TRAK1: variants seen among roughly 807,000 people sequenced by gnomAD.
TRAK1 encodes the protein trafficking kinesin protein 1, also known as trafficking kinesin-binding protein 1.
TRAK1 carries 33 observed loss-of-function variants against 92.1 expected under a neutral mutation model. That is an observed-to-expected ratio of 0.36 (90% CI 0.27 to 0.48). TRAK1 has a LOEUF of 0.48. Among genes scored for constraint, TRAK1 ranks in the 20% least tolerant of loss-of-function variants. The probability of loss-of-function intolerance (pLI) is 0.99; values close to 1 mark genes in which losing one functional copy is unlikely to be tolerated. For missense variants in TRAK1, 1,123 were observed against 1,257.9 expected (o/e 0.89, Z 1.62); for synonymous variants, 521 against 517.3 (o/e 1.01, Z -0.10).
intron 3 of TRAK1, among the ~76,000 whole-genome samples, chr3:42,180,257 G>C (rs926174083): frequency 6.6e-6 from 1 of 151,884 alleles, no homozygotes; most frequent in Non-Finnish European, 1.5e-5. Flanking sequence ...AATTTTTTAA[G>C]TACATAGTAG....
intron 1 of TRAK1, among the ~76,000 whole-genome samples, chr3:42,042,348 A>G (rs1702579210): frequency 6.6e-6 from 1 of 152,146 alleles, no homozygotes; most frequent in African/African-American, 2.4e-5. Context: ...TATATCATAA[A>G]TGATTTTTAG....
At chr3:42,143,631 G>T (rs1698971028) in intron 2 of TRAK1, among the ~76,000 whole-genome samples, 1 of 152,194 alleles carries the variant, frequency 6.6e-6, no homozygotes, top group Non-Finnish European at 1.5e-5. Context: ...ACCAGTGGCT[G>T]TGAGGCTTAC....
chr3:42,165,240 G>T (rs4683333), intron 2 of TRAK1, among the ~76,000 whole-genome samples: 8 of 151,926 alleles, frequency 5.3e-5, no homozygotes, highest in Admixed American at 5.2e-4. Context: ...CCTTAGGGGT[G>T]GTTGCTAAGA....
At chr3:42,210,344 C>G in intron 14 of TRAK1, 1 of 1,463,816 alleles carries the variant, frequency 6.8e-7, no homozygotes, top group Non-Finnish European at 9.0e-7. Flanking sequence ...AGCTCCCCTG[C>G]CCATCTTGGA....
chr3:42,132,904 A>G (rs1444663195), intron 2 of TRAK1, among the ~76,000 whole-genome samples: 1 of 152,102 alleles, frequency 6.6e-6, no homozygotes, highest in Non-Finnish European at 1.5e-5. Context: ...CCCCCTCCAC[A>G]CACATTTGTC....
chr3:42,111,610 T>C (rs1344783831), intron 1 of TRAK1, among the ~76,000 whole-genome samples: 1 of 152,076 alleles, frequency 6.6e-6, no homozygotes, highest in Admixed American at 6.6e-5. Context: ...TTAGCCAGGG[T>C]GGTCTCGATA....
intron 3 of TRAK1, among the ~76,000 whole-genome samples, chr3:42,183,553 T>TAAAAAAAAAAAAAAA (rs11293523): frequency 1.0e-4 from 12 of 117,318 alleles, no homozygotes; most frequent in African/African-American, 2.5e-4. Flanking sequence ...AGACTCTGTC[T>TAAAAAAAAAAAAAAA]AAAAAAAAAA....
intron 1 of TRAK1, among the ~76,000 whole-genome samples, chr3:42,027,289 C>T (rs1481763510): frequency 3.9e-5 from 6 of 152,030 alleles, no homozygotes; most frequent in Admixed American, 1.3e-4. Flanking sequence ...TTTGGGAGGC[C>T]GAGACGGGCG....
chr3:42,219,053 C>T (rs1241416642), intron 14 of TRAK1: 1 of 985,452 alleles, frequency 1.0e-6, no homozygotes, highest in Non-Finnish European at 1.2e-6. Context: ...GTGCCTCTCC[C>T]TGCCTGTACT....
Position 42,218,977 on chromosome 3 carries a change from TC to T in TRAK1, c.1964-513del, listed in dbSNP as rs912958978. The T allele has an allele frequency of 3.2e-5, 32 of 985,294 alleles. No individual in the cohort carries two copies. The African/African-American group carries it at 5.6e-4, about 17-fold the overall frequency. 61.0% of individuals were successfully genotyped at this position (985,294 alleles called of 1,614,324 possible). On this transcript the variant is annotated intron_variant, in intron 14 of 15. Transcript: ENST00000327628. The stretch of plus-strand genomic sequence containing the variant: ...CAAATAGACAGTAGTGGAGCCAGCA[TC>T]CCCAGGCCCCTTTTTGTGTAAGCAG...
intron 1 of TRAK1, among the ~76,000 whole-genome samples, chr3:42,042,618 G>A (rs142599284): frequency 2.8e-4 from 43 of 151,804 alleles, no homozygotes; most frequent in African/African-American, 1.0e-3. Flanking sequence ...TGATCTGCCC[G>A]CCTTGGCCTC....
At chr3:42,117,342 G>C (rs1231905927) in intron 1 of TRAK1, among the ~76,000 whole-genome samples, 2 of 147,632 alleles carry the variant, frequency 1.4e-5, no homozygotes, top group South Asian at 2.2e-4. Flanking sequence ...CTCCTGGCCG[G>C]CACCCAGGGC....
chr3:42,115,361 A>G (rs1193447635), intron 1 of TRAK1, among the ~76,000 whole-genome samples: 1 of 152,094 alleles, frequency 6.6e-6, no homozygotes, highest in Non-Finnish European at 1.5e-5. Flanking sequence ...TTGAGCAACA[A>G]ACTGGCATGC....
At chr3:42,186,480 A>G (rs916382091) in intron 4 of TRAK1, among the ~76,000 whole-genome samples, 2 of 152,214 alleles carry the variant, frequency 1.3e-5, no homozygotes, top group Non-Finnish European at 2.9e-5. Context: ...TTAAGATTTG[A>G]TAAGGGAGAA....
At position 42,193,671 on chromosome 3, in the gene TRAK1, C is replaced by T. The variant is rs115119391; in HGVS notation, c.901-153C>T. On this transcript the variant is annotated intron_variant, in intron 8 of 15. Transcript: ENST00000327628. Reference sequence around the variant, plus strand: ...GAATGTGGATATAGGAAAGACTTTACCTTCAAAATAATATAAAAAGCAGAA... The same window carrying T: ...GAATGTGGATATAGGAAAGACTTTATCTTCAAAATAATATAAAAAGCAGAA... Among the ~76,000 whole-genome samples the T allele has an allele frequency of 2.6e-3, 403 of 152,220 alleles. 5 individuals carry two copies. The highest frequency in any genetic ancestry group is 9.3e-3 in the African/African-American group (385 of 41,508).
At chr3:42,142,077 A>T (rs758612894) in intron 2 of TRAK1, among the ~76,000 whole-genome samples, 49 of 152,284 alleles carry the variant, frequency 3.2e-4, no homozygotes, top group Admixed American at 3.1e-3. Flanking sequence ...GGTTGCAGTG[A>T]GCTGAGATTG....
chr3:42,075,760 T>TC, intron 1 of TRAK1, among the ~76,000 whole-genome samples: 1 of 152,370 alleles, frequency 6.6e-6, no homozygotes, highest in Non-Finnish European at 1.5e-5. Flanking sequence ...AGCTTTTTTT[T>TC]CATATGCTTT....
chr3:42,117,757 A>G (rs1709346039), intron 1 of TRAK1, among the ~76,000 whole-genome samples: 1 of 151,906 alleles, frequency 6.6e-6, no homozygotes, highest in South Asian at 2.1e-4. Context: ...TCTGTGGAGG[A>G]GGAGGTCCCT....
At chr3:42,206,938 G>A (rs1468116218) in intron 13 of TRAK1, among the ~76,000 whole-genome samples, 1 of 152,144 alleles carries the variant, frequency 6.6e-6, no homozygotes, top group Non-Finnish European at 1.5e-5. Context: ...GAGGAGAAAG[G>A]CCTATGAGAC....
Sources: gnomAD v4.1 joint callset for allele counts (sites outside exome capture counted in the v4.1 genomes callset) on GRCh38, gnomAD v4.1.1 for gene constraint, MANE v1.5 for transcripts, NCBI Gene and HGNC (gene_info 2026-07-23, HGNC 2026-07-21) for gene names.